Variants in SND1 observed in about 807,000 individuals in gnomAD.
SND1 encodes staphylococcal nuclease and tudor domain containing 1.
A neutral mutation model predicts 121.7 loss-of-function variants in SND1; 38 were observed. That is an observed-to-expected ratio of 0.31 (90% CI 0.24 to 0.41). SND1 has a LOEUF of 0.41. Among genes scored for constraint, SND1 ranks in the 10% least tolerant of loss-of-function variants. The pLI is 1.00. For synonymous variants in SND1, 401 were observed against 447.4 expected (o/e 0.90, Z 1.31); for missense variants, 868 against 1,184.6 (o/e 0.73, Z 3.92).
rs118049207 is a variant in SND1, at chr7:127,890,817, A to G, written c.1454+2805A>G. Among the ~76,000 whole-genome samples, 335 of 152,290 alleles carry G rather than the reference A, an allele frequency of 2.2e-3. 9 individuals carry two copies. The East Asian group carries it at 0.055, about 25-fold the overall frequency. On this transcript the variant is annotated intron_variant, in intron 13 of 23. Transcript: ENST00000354725. The stretch of plus-strand genomic sequence containing the variant: ...TTATTTTGTGCAGAAGTAATGTAAC[A>G]AGATGCTTGCTTGCTAAGGCAGTGA...
intron 16 of SND1, among the ~76,000 whole-genome samples, chr7:128,069,921 T>C (rs1793379293): frequency 6.6e-6 from 1 of 152,146 alleles, no homozygotes; most frequent in Non-Finnish European, 1.5e-5. Flanking sequence ...CAGAGGGTGA[T>C]TCATGGTAGG....
At chr7:127,945,737 C>G (rs1331411913) in intron 15 of SND1, among the ~76,000 whole-genome samples, 1 of 152,130 alleles carries the variant, frequency 6.6e-6, no homozygotes, top group African/African-American at 2.4e-5. Context: ...AAGATTCATT[C>G]CACGTCTGAG....
At chr7:128,014,202 G>A (rs193153143) in intron 16 of SND1, among the ~76,000 whole-genome samples, 1 of 152,304 alleles carries the variant, frequency 6.6e-6, no homozygotes, top group East Asian at 1.9e-4. Flanking sequence ...AAGCGCTTCT[G>A]GAGTCAGTGG....
rs1038994129 is a variant in SND1 at position 127,701,407 on chromosome 7, T to C, written c.589+84T>C. 4 of 1,392,456 alleles carry C rather than the reference T, an allele frequency of 2.9e-6. No individual in the cohort carries two copies. In the African/African-American group the frequency reaches 5.8e-5, roughly 20 times the overall value. 86.3% of individuals were successfully genotyped at this position (1,392,456 alleles called of 1,614,324 possible). ...TTTGCTTCTTGAGGTTTGTAAAATC[T>C]AGTAAGCCTTTCTTATACTTATTTA... On this transcript the variant is annotated intron_variant, in intron 5 of 23. Coordinates refer to ENST00000354725, the MANE Select transcript of SND1 (RefSeq NM_014390.4).
intron 16 of SND1, among the ~76,000 whole-genome samples, chr7:128,048,391 CTTGTGGGCAT>C (rs1792989749): frequency 6.6e-6 from 1 of 151,862 alleles, no homozygotes; most frequent in Admixed American, 6.6e-5. Flanking sequence ...TTGAGTGTGC[CTTGTGGGCAT>C]TTGTGGGCAT....
intron 15 of SND1, among the ~76,000 whole-genome samples, chr7:127,941,016 A>C (rs1801187358): frequency 6.6e-6 from 1 of 152,202 alleles, no homozygotes; most frequent in Non-Finnish European, 1.5e-5. Flanking sequence ...AGTGCTGTGG[A>C]GTGTTCCCAG....
At chr7:127,950,641 C>T (rs564569574) in intron 15 of SND1, among the ~76,000 whole-genome samples, 1 of 152,272 alleles carries the variant, frequency 6.6e-6, no homozygotes, top group South Asian at 2.1e-4. Flanking sequence ...CTGTTACATT[C>T]CCTCCCTCCT....
chr7:127,931,107 C>T (rs1469825778), intron 15 of SND1, among the ~76,000 whole-genome samples: 1 of 152,102 alleles, frequency 6.6e-6, no homozygotes, highest in Non-Finnish European at 1.5e-5. Context: ...ACTGCTCCAC[C>T]CATTGAATGA....
chr7:127,878,697 G>A lies in SND1; in HGVS notation c.1344-9205G>A, dbSNP rs558340022. Among the ~76,000 whole-genome samples the A allele has an allele frequency of 5.8e-4, 88 of 152,264 alleles. 1 individual carries two copies. Among genetic ancestry groups the A allele is most frequent in the Non-Finnish European group, 1.1e-3 (72 of 68,008 alleles). On this transcript the variant is annotated intron_variant, in intron 12 of 23. Transcript: ENST00000354725. ...TCTTGGTGGCAGGACTTGTTAAACA[G>A]AGAATGGGCTTTAAATTGTTAATCA...
intron 9 of SND1, among the ~76,000 whole-genome samples, chr7:127,709,451 T>A (rs900251189): frequency 2.0e-5 from 3 of 152,114 alleles, no homozygotes; most frequent in Non-Finnish European, 4.4e-5. Flanking sequence ...TAAAACTGAG[T>A]TTGTAGAAAA....
At position 128,011,278 on chromosome 7, in the gene SND1, G is replaced by C. The variant is rs553224849; in HGVS notation, c.1779+20222G>C. ...AGACTGGCCCAGTGCAGAGGTGCTT[G>C]AGGGCCCTGTGAGCTGCCCAGGCAG... On this transcript the variant is annotated intron_variant, in intron 16 of 23. Coordinates refer to ENST00000354725, the MANE Select transcript of SND1 (RefSeq NM_014390.4). 2.6e-5 allele frequency among the ~76,000 whole-genome samples: 4 copies of C among 152,298 alleles called. No individual in the cohort carries two copies. In the East Asian group the frequency reaches 7.7e-4, roughly 29 times the overall value.
chr7:127,720,043 G>C (rs150418758), intron 9 of SND1, among the ~76,000 whole-genome samples: 4 of 152,304 alleles, frequency 2.6e-5, no homozygotes, highest in Middle Eastern at 6.8e-3. Context: ...TGGTTCTTTG[G>C]AAAAGGTAGA....
At chr7:128,080,982 C>G (rs1793589646) in intron 17 of SND1, among the ~76,000 whole-genome samples, 2 of 152,000 alleles carry the variant, frequency 1.3e-5, no homozygotes, top group Non-Finnish European at 2.9e-5. Context: ...CCCAAAACCC[C>G]TTTCCCAGTG....
chr7:127,850,073 C>A (rs1799136881), intron 12 of SND1, among the ~76,000 whole-genome samples: 1 of 152,150 alleles, frequency 6.6e-6, no homozygotes. Context: ...TTTGCTTTTT[C>A]TTTGGTTCTA....
At chr7:127,728,122 C>G (rs1383132820) in intron 10 of SND1, among the ~76,000 whole-genome samples, 1 of 152,150 alleles carries the variant, frequency 6.6e-6, no homozygotes, top group Non-Finnish European at 1.5e-5. Context: ...ATGTGCCTGT[C>G]TTGTTGCCCT....
chr7:127,709,652 T>A (rs1317671047), intron 9 of SND1, among the ~76,000 whole-genome samples: 1 of 152,188 alleles, frequency 6.6e-6, no homozygotes, highest in Non-Finnish European at 1.5e-5. Context: ...TCTAGGATCC[T>A]AGGATCTGTT....
At chr7:127,834,607 G>T (rs972420836) in intron 11 of SND1, among the ~76,000 whole-genome samples, 2 of 152,140 alleles carry the variant, frequency 1.3e-5, no homozygotes, top group Non-Finnish European at 2.9e-5. Context: ...TGAAATAGAG[G>T]GATGGTGTGG....
chr7:128,028,654 T>C (rs1434586791), intron 16 of SND1: 1 of 1,590,710 alleles, frequency 6.3e-7, no homozygotes, highest in East Asian at 2.2e-5. Flanking sequence ...CTATTGCATT[T>C]TATAAGTTTT....
At chr7:127,657,309 G>C (rs935317920) in intron 1 of SND1, among the ~76,000 whole-genome samples, 2 of 152,168 alleles carry the variant, frequency 1.3e-5, no homozygotes, top group Non-Finnish European at 2.9e-5. Flanking sequence ...GACTGGGACA[G>C]AGTGGTTTGT....
Sources: allele counts gnomAD v4.1 joint callset (sites outside exome capture counted in the v4.1 genomes callset), GRCh38; gene constraint gnomAD v4.1.1; transcripts MANE v1.5; gene names NCBI Gene and HGNC (gene_info 2026-07-23, HGNC 2026-07-21).